Variants in TANC2 observed in about 807,000 individuals in gnomAD.
The protein encoded by TANC2 is protein TANC2.
Under a neutral mutation model 210.5 loss-of-function variants are expected in TANC2, and 26 were observed. The observed-to-expected ratio is 0.12, with a 90% CI of 0.09 to 0.17. The LOEUF (loss-of-function observed/expected upper bound fraction) is 0.17. TANC2 is among the 10% of genes least tolerant of loss of function. TANC2 has a pLI of 1.00. For synonymous variants in TANC2, 931 were observed against 967.1 expected (o/e 0.96, Z 0.69); for missense variants, 2,129 against 2,608.9 (o/e 0.82, Z 4.01).
exon 28 of TANC2, chr17:63,426,000 T>G (rs543992325): frequency 1.5e-4 from 23 of 152,326 alleles, no homozygotes; most frequent in African/African-American, 5.3e-4. Context: ...CACTGAATCT[T>G]TGCCACAAAA....
chr17:63,415,549 G>T, exon 26 of TANC2: 1 of 1,613,834 alleles, frequency 6.2e-7, no homozygotes, highest in Non-Finnish European at 8.5e-7. Context: ...AAAGGAAGCT[G>T]CCCAGCGCTA....
At chr17:63,043,592 C>A (rs1265095303) in intron 2 of TANC2, among the ~76,000 whole-genome samples, 1 of 152,108 alleles carries the variant, frequency 6.6e-6, no homozygotes, top group Non-Finnish European at 1.5e-5. Context: ...CTTTCATCAT[C>A]TTTTCCTCTA....
At chr17:63,379,647 C>T in intron 14 of TANC2, 71 bp from the exon 15 acceptor site, 3 of 1,245,900 alleles carry the variant, frequency 2.4e-6, no homozygotes, top group Non-Finnish European at 3.3e-6. Flanking sequence ...CTAGTCTGGG[C>T]AACAGAGTGA....
intron 1 of TANC2, among the ~76,000 whole-genome samples, chr17:62,981,030 T>C (rs765978221): frequency 6.6e-5 from 10 of 152,226 alleles, no homozygotes; most frequent in Non-Finnish European, 1.5e-4. Flanking sequence ...TGTATACTTG[T>C]AGGTGAATAT....
chr17:63,205,256 A>G (rs2041663259), intron 7 of TANC2, among the ~76,000 whole-genome samples: 1 of 150,996 alleles, frequency 6.6e-6, no homozygotes, highest in East Asian at 2.0e-4. Context: ...GTCATTTACC[A>G]TCTACCATAT....
At chr17:62,999,296 A>T (rs570287255) in intron 1 of TANC2, among the ~76,000 whole-genome samples, 1 of 152,328 alleles carries the variant, frequency 6.6e-6, no homozygotes, top group East Asian at 1.9e-4. Context: ...AGGCCTCCCC[A>T]GAAGCAGGTG....
chr17:63,228,709 A>G (rs1354149500), intron 7 of TANC2, among the ~76,000 whole-genome samples: 3 of 152,066 alleles, frequency 2.0e-5, no homozygotes, highest in African/African-American at 7.2e-5. Context: ...ATGGGAGTTT[A>G]TTCATGATTT....
rs1419824154 is a variant in TANC2, at chr17:63,316,948, TTATTAA to T, written c.1442-2005_1442-2000del. The stretch of plus-strand genomic sequence containing the variant: ...GGCTTAATTTTTTACAGAATATAAG[TTATTAA>T]TATAAGTTATTATATTAAACTTAAT... On this transcript the variant is annotated intron_variant, in intron 10 of 27. Coordinates refer to ENST00000689528, the Ensembl canonical transcript of TANC2. Among the ~76,000 whole-genome samples the T allele has an allele frequency of 3.5e-4, 19 of 54,316 alleles. No homozygotes were observed. The South Asian group carries it at 0.011, about 32-fold the overall frequency. 35.6% of individuals were successfully genotyped at this position (54,316 alleles called of 152,430 possible). A position where few individuals can be genotyped will look rare whatever the true frequency, so the allele number is the denominator to read the frequency against.
At chr17:63,295,584 A>G (rs2044510669) in intron 9 of TANC2, among the ~76,000 whole-genome samples, 1 of 152,220 alleles carries the variant, frequency 6.6e-6, no homozygotes. Context: ...CCAAGCATGA[A>G]AATTCCTAAA....
At chr17:63,055,490 A>G (rs1419478086) in intron 2 of TANC2, among the ~76,000 whole-genome samples, 4 of 152,070 alleles carry the variant, frequency 2.6e-5, no homozygotes, top group African/African-American at 9.7e-5. Flanking sequence ...TTATTTCTGC[A>G]CTTCTTACAT....
chr17:63,314,458 T>C, exon 10 of TANC2: 1 of 1,613,976 alleles, frequency 6.2e-7, no homozygotes, highest in East Asian at 2.2e-5. Context: ...CCAGCATCAC[T>C]ACAGAGTCAG....
chr17:63,411,517 C>T (rs769557502), exon 22 of TANC2: 8 of 1,609,584 alleles, frequency 5.0e-6, no homozygotes. Flanking sequence ...GCAGGTGCCT[C>T]CATTGCTCTT....
chr17:63,285,107 CTATT>C (rs1471564795), intron 9 of TANC2, among the ~76,000 whole-genome samples: 1 of 151,814 alleles, frequency 6.6e-6, no homozygotes, highest in Non-Finnish European at 1.5e-5. Context: ...TAATTTTAGC[CTATT>C]TGTTTATTTA....
chr17:63,261,820 A>G (rs1291235499), intron 8 of TANC2, among the ~76,000 whole-genome samples: 1 of 152,224 alleles, frequency 6.6e-6, no homozygotes, highest in African/African-American at 2.4e-5. Flanking sequence ...TTTCAGCACA[A>G]CAAACTCTGT....
chr17:63,077,935 T>C (rs899264111), intron 3 of TANC2, among the ~76,000 whole-genome samples: 7 of 152,336 alleles, frequency 4.6e-5, no homozygotes, highest in African/African-American at 1.4e-4. Context: ...TTTTTGCATC[T>C]ATATTCACAT....
chr17:62,968,728 T>C (rs1402979172), intron 1 of TANC2, among the ~76,000 whole-genome samples: 1 of 152,210 alleles, frequency 6.6e-6, no homozygotes, highest in Non-Finnish European at 1.5e-5. Flanking sequence ...TCTCAGATTG[T>C]TCTTGATAGA....
chr17:63,142,132 C>T (rs1414359640), intron 4 of TANC2, among the ~76,000 whole-genome samples: 1 of 152,120 alleles, frequency 6.6e-6, no homozygotes, highest in African/African-American at 2.4e-5. Flanking sequence ...GCTCCTGTCC[C>T]AACTTCTTTC....
chr17:62,985,975 G>T (rs924151510), intron 1 of TANC2, among the ~76,000 whole-genome samples: 2 of 152,108 alleles, frequency 1.3e-5, no homozygotes, highest in African/African-American at 4.8e-5. Flanking sequence ...TGATTGTAAA[G>T]TCACCTCTTC....
At chr17:62,983,885 A>G (rs2032431709) in intron 1 of TANC2, among the ~76,000 whole-genome samples, 1 of 151,928 alleles carries the variant, frequency 6.6e-6, no homozygotes, top group Non-Finnish European at 1.5e-5. Context: ...TTTGTTGAGA[A>G]GTTTTGCTTC....
Sources: allele counts gnomAD v4.1 joint callset (sites outside exome capture counted in the v4.1 genomes callset), GRCh38; gene constraint gnomAD v4.1.1; transcripts MANE v1.5; gene names NCBI Gene and HGNC (gene_info 2026-07-23, HGNC 2026-07-21).